The following ADGRB3 variants were observed in gnomAD, a reference collection of about 807,000 sequenced individuals.
ADGRB3 encodes adhesion G protein-coupled receptor B3.
In ADGRB3, 37 loss-of-function variants were observed where a neutral mutation model predicts 193.4. That is an observed-to-expected ratio of 0.19 (90% CI 0.15 to 0.25). The LOEUF (loss-of-function observed/expected upper bound fraction) is 0.25. Among genes scored for constraint, ADGRB3 ranks in the 10% least tolerant of loss-of-function variants. The probability of loss-of-function intolerance (pLI) is 1.00; values close to 1 mark genes in which losing one functional copy is unlikely to be tolerated. For missense variants in ADGRB3, 1,637 were observed against 1,852.9 expected (o/e 0.88, Z 2.14); for synonymous variants, 690 against 644.2 (o/e 1.07, Z -1.08).
intron 13 of ADGRB3, among the ~76,000 whole-genome samples, chr6:69,024,463 C>A (rs1297611258): frequency 2.6e-5 from 4 of 152,136 alleles, no homozygotes; most frequent in African/African-American, 9.7e-5. Flanking sequence ...ATACAGTAAT[C>A]TTTATGAATT....
intron 26 of ADGRB3, among the ~76,000 whole-genome samples, chr6:69,344,855 G>A (rs764449282): frequency 3.9e-5 from 6 of 152,182 alleles, no homozygotes; most frequent in East Asian, 1.9e-4. Flanking sequence ...TTCTGGTAGA[G>A]GAAGATGGAG....
rs1162878571 is a variant in ADGRB3 at position 68,696,553 on chromosome 6, G to C, written c.757+57121G>C. On this transcript the variant is annotated intron_variant, in intron 3 of 31. Transcript: ENST00000370598. ...CTTGATGTATTATTATTCTGACATG[G>C]AGGAAAATGTTCCTTATGAGCTCCT... 9.2e-5 allele frequency among the ~76,000 whole-genome samples: 14 copies of C among 151,782 alleles called. No individual in the cohort carries two copies. In the East Asian group the frequency reaches 2.7e-3, roughly 29 times the overall value.
intron 3 of ADGRB3, among the ~76,000 whole-genome samples, chr6:68,719,927 T>A (rs1765548578): frequency 2.0e-5 from 3 of 151,698 alleles, no homozygotes; most frequent in Non-Finnish European, 4.4e-5. Context: ...AGAGAGAGAC[T>A]GATTGACAGC....
chr6:68,926,704 T>C (rs1459948466), intron 3 of ADGRB3, among the ~76,000 whole-genome samples: 1 of 152,204 alleles, frequency 6.6e-6, no homozygotes, highest in Non-Finnish European at 1.5e-5. Flanking sequence ...TGCTTGTCTG[T>C]ATGTTTAAAA....
chr6:68,908,043 C>A (rs1222617075), intron 3 of ADGRB3, among the ~76,000 whole-genome samples: 2 of 151,790 alleles, frequency 1.3e-5, no homozygotes, highest in Non-Finnish European at 2.9e-5. Context: ...TTTTATGTTA[C>A]ATAAAGTTCG....
chr6:68,862,683 T>G (rs1320351383), intron 3 of ADGRB3, among the ~76,000 whole-genome samples: 1 of 152,174 alleles, frequency 6.6e-6, no homozygotes, highest in Non-Finnish European at 1.5e-5. Flanking sequence ...TACTTTTAGT[T>G]TAAAGGTCTG....
chr6:68,881,192 A>G (rs1039368003), intron 3 of ADGRB3, among the ~76,000 whole-genome samples: 1 of 151,828 alleles, frequency 6.6e-6, no homozygotes, highest in Non-Finnish European at 1.5e-5. Context: ...TTTTTTTCAA[A>G]TAAATACTAT....
intron 13 of ADGRB3, among the ~76,000 whole-genome samples, chr6:69,040,697 A>AAAAAAAAAAAAAG (rs1771035149): frequency 6.9e-6 from 1 of 144,972 alleles, no homozygotes. Flanking sequence ...AAAAAAAAAA[A>AAAAAAAAAAAAAG]AAAAAAAAAA....
intron 3 of ADGRB3, among the ~76,000 whole-genome samples, chr6:68,767,896 T>C (rs1766541302): frequency 6.6e-6 from 1 of 151,780 alleles, no homozygotes; most frequent in Non-Finnish European, 1.5e-5. Flanking sequence ...TACACCAATG[T>C]TAGATAAACA....
intron 11 of ADGRB3, among the ~76,000 whole-genome samples, chr6:69,003,876 C>T (rs188561152): frequency 1.3e-3 from 202 of 152,134 alleles, no homozygotes; most frequent in African/African-American, 4.7e-3. Context: ...AACACAACCA[C>T]GTAGGAAGAG....
rs930985048 is a variant in ADGRB3, at chr6:68,994,588, G to T, written c.1929+626G>T. Among the ~76,000 whole-genome samples, 7 of 152,180 alleles carry T rather than the reference G, an allele frequency of 4.6e-5. No individual in the cohort carries two copies. In the South Asian group the frequency reaches 1.4e-3, roughly 32 times the overall value. On this transcript the variant is annotated intron_variant, in intron 11 of 31. Coordinates refer to ENST00000370598, the MANE Select transcript of ADGRB3 (RefSeq NM_001704.3). ...CTCACCCAATGTCAGTATTGCCTTTGCCATTAAAACAAAGCTTATTGAATG... is the reference window on the plus strand; with the variant it reads ...CTCACCCAATGTCAGTATTGCCTTTTCCATTAAAACAAAGCTTATTGAATG...
chr6:68,861,490 A>G (rs1316100128), intron 3 of ADGRB3, among the ~76,000 whole-genome samples: 3 of 152,040 alleles, frequency 2.0e-5, no homozygotes, highest in Non-Finnish European at 2.9e-5. Context: ...TGAACCCGGG[A>G]GGTGGAGCTT....
chr6:68,848,433 T>C (rs962716186), intron 3 of ADGRB3, among the ~76,000 whole-genome samples: 1 of 152,076 alleles, frequency 6.6e-6, no homozygotes, highest in African/African-American at 2.4e-5. Context: ...AAATTTTGAG[T>C]GTTTTCATTT....
intron 20 of ADGRB3, among the ~76,000 whole-genome samples, chr6:69,300,357 A>G (rs558649903): frequency 5.9e-5 from 9 of 151,930 alleles, no homozygotes; most frequent in African/African-American, 2.2e-4. Context: ...CACAGCCAGT[A>G]TCATACTAAA....
intron 20 of ADGRB3, among the ~76,000 whole-genome samples, chr6:69,272,879 A>G (rs1365988696): frequency 6.6e-6 from 1 of 152,078 alleles, no homozygotes; most frequent in Non-Finnish European, 1.5e-5. Flanking sequence ...AGATGTCTTT[A>G]TCTATTTGCT....
At chr6:68,879,618 G>GA (rs551410534) in intron 3 of ADGRB3, among the ~76,000 whole-genome samples, 277 of 152,144 alleles carry the variant, frequency 1.8e-3, no homozygotes, top group Middle Eastern at 3.4e-3. Context: ...ATGCCTGATA[G>GA]AAAAAAAGCA....
chr6:69,030,003 C>G (rs1343980404), intron 13 of ADGRB3, among the ~76,000 whole-genome samples: 3 of 147,822 alleles, frequency 2.0e-5, no homozygotes, highest in Non-Finnish European at 4.5e-5. Flanking sequence ...CACACACACA[C>G]ATATATATAT....
chr6:68,845,707 C>G (rs1582249050), intron 3 of ADGRB3, among the ~76,000 whole-genome samples: 2 of 152,152 alleles, frequency 1.3e-5, no homozygotes, highest in South Asian at 4.1e-4. Context: ...CTTTCACCCT[C>G]TGCCATGATT....
intron 3 of ADGRB3, among the ~76,000 whole-genome samples, chr6:68,856,316 G>A (rs1582258451): frequency 1.3e-5 from 2 of 152,198 alleles, no homozygotes; most frequent in South Asian, 4.1e-4. Flanking sequence ...CTGGGTAACA[G>A]GCATAGGTTT....
Sources: allele counts gnomAD v4.1 joint callset (sites outside exome capture counted in the v4.1 genomes callset), GRCh38; gene constraint gnomAD v4.1.1; transcripts MANE v1.5; gene names NCBI Gene and HGNC (gene_info 2026-07-23, HGNC 2026-07-21).